RSPO2: variants seen among roughly 807,000 people sequenced by gnomAD.
The protein encoded by RSPO2 is R-spondin 2.
RSPO2 carries 14 observed loss-of-function variants against 30.9 expected under a neutral mutation model. That is an observed-to-expected ratio of 0.45 (90% CI 0.30 to 0.71). The LOEUF (loss-of-function observed/expected upper bound fraction) is 0.71. RSPO2 is among the 30% of genes least tolerant of loss of function. The pLI is 0.08. For missense variants in RSPO2, 264 were observed against 301.9 expected, an observed-to-expected ratio of 0.87 and a Z score of 0.93; for synonymous variants, 107 against 96.4, an observed-to-expected ratio of 1.11 and a Z score of -0.64.
intron 5 of RSPO2, among the ~76,000 whole-genome samples, chr8:107,925,610 TG>T (rs1812340449): frequency 6.6e-6 from 1 of 151,890 alleles, no homozygotes; most frequent in Non-Finnish European, 1.5e-5. Context: ...TGTGTCCATG[TG>T]TTCTCATTGT....
At chr8:107,959,851 C>T (rs1248103664) in intron 4 of RSPO2, among the ~76,000 whole-genome samples, 1 of 152,202 alleles carries the variant, frequency 6.6e-6, no homozygotes, top group Non-Finnish European at 1.5e-5. Flanking sequence ...TACACAATTA[C>T]AGACTACTTC....
At chr8:107,915,489 T>C (rs1029840675) in intron 5 of RSPO2, among the ~76,000 whole-genome samples, 10 of 152,098 alleles carry the variant, frequency 6.6e-5, no homozygotes, top group Non-Finnish European at 1.3e-4. Flanking sequence ...AACAGGAAGA[T>C]TTCAGGGAGA....
chr8:108,059,831 ATCACAC>A (rs1812390577), intron 2 of RSPO2, among the ~76,000 whole-genome samples: 1 of 126,364 alleles, frequency 7.9e-6, no homozygotes, highest in Admixed American at 1.0e-4. Context: ...GAAGGGGAAC[ATCACAC>A]TCTGGGGACT....
Position 107,978,322 on chromosome 8 carries a change from G to A in RSPO2, c.283+10734C>T, listed in dbSNP as rs912449914. On this transcript the variant is annotated intron_variant, in intron 3 of 5. Coordinates refer to ENST00000276659, the MANE Select transcript of RSPO2 (RefSeq NM_178565.5). ...GGCATCTGTAATCCCAGCTACTTGG[G>A]AGGCCGAGGCAGGAGAATTGATTGA... 9.9e-5 allele frequency among the ~76,000 whole-genome samples: 15 copies of A among 152,246 alleles called. No individual in the cohort carries two copies. In the South Asian group the frequency reaches 3.1e-3, roughly 32 times the overall value.
chr8:107,962,364 CAATTTT>C (rs1813655874), intron 3 of RSPO2, among the ~76,000 whole-genome samples: 1 of 152,124 alleles, frequency 6.6e-6, no homozygotes, highest in Non-Finnish European at 1.5e-5. Flanking sequence ...CTTTGCCTTT[CAATTTT>C]GAGTCTAAAC....
At position 107,921,973 on chromosome 8, in the gene RSPO2, G is replaced by T. The variant is rs1319590707; in HGVS notation, c.617-20783C>A. Among the ~76,000 whole-genome samples, 6 of 152,268 alleles carry T rather than the reference G, an allele frequency of 3.9e-5. No homozygotes were observed. The East Asian group carries it at 1.2e-3, about 29-fold the overall frequency. On this transcript the variant is annotated intron_variant, in intron 5 of 5. Transcript: ENST00000276659. ...CCTGAAAATAATAAGAGCCATCTAT[G>T]ACAAATCCACAGCCAATGTCATACT...
Position 107,989,220 on chromosome 8 carries a change from C to A in RSPO2, c.119G>T (p.Cys40Phe). Residue 40 changes from cysteine to phenylalanine, a missense_variant, in exon 3 of 6, where the codon TGC (cysteine) becomes TTC (phenylalanine). Physicochemically the swap from Cys to Phe is radical, Grantham distance 205 (BLOSUM62 -2). Coordinates refer to ENST00000276659, the MANE Select transcript of RSPO2 (RefSeq NM_178565.5). Reference protein sequence around the residue: ...KRASYVSNPICKGCLSCSKDN... With the variant: ...KRASYVSNPIFKGCLSCSKDN... ...CTTTGAACAAGACAAACAACCCTTG[C>A]AAATGGGATTTGATACATAACTAGC... 1 of 1,577,434 alleles carries A rather than the reference C, an allele frequency of 6.3e-7. No homozygotes were observed. The highest frequency in any genetic ancestry group is 8.6e-7 in the Non-Finnish European group (1 of 1,167,890).
chr8:108,041,023 A>G (rs2130655927), intron 2 of RSPO2, among the ~76,000 whole-genome samples: 1 of 152,244 alleles, frequency 6.6e-6, no homozygotes, highest in Middle Eastern at 3.4e-3. Flanking sequence ...TGTACAGAAA[A>G]GAAATCAATT....
At chr8:107,917,980 C>T (rs921808722) in intron 5 of RSPO2, among the ~76,000 whole-genome samples, 5 of 152,086 alleles carry the variant, frequency 3.3e-5, no homozygotes, top group East Asian at 3.9e-4. Flanking sequence ...ATTGAATGCA[C>T]GTTTCTAATA....
At chr8:107,968,766 G>A (rs1345966306) in intron 3 of RSPO2, among the ~76,000 whole-genome samples, 2 of 151,956 alleles carry the variant, frequency 1.3e-5, no homozygotes, top group Non-Finnish European at 2.9e-5. Flanking sequence ...CAAAAGGATT[G>A]CAGCCCAAGA....
At chr8:108,009,871 A>G (rs1159844056) in intron 2 of RSPO2, among the ~76,000 whole-genome samples, 1 of 152,004 alleles carries the variant, frequency 6.6e-6, no homozygotes, top group Non-Finnish European at 1.5e-5. Context: ...ATGACATGGC[A>G]AAACTCCATC....
intron 2 of RSPO2, among the ~76,000 whole-genome samples, chr8:108,063,866 A>G (rs1409574320): frequency 6.6e-6 from 1 of 152,228 alleles, no homozygotes; most frequent in Non-Finnish European, 1.5e-5. Flanking sequence ...GCCCTCAGAA[A>G]TAATGCCACA....
At chr8:107,975,922 A>C (rs1423064026) in intron 3 of RSPO2, among the ~76,000 whole-genome samples, 3 of 152,332 alleles carry the variant, frequency 2.0e-5, no homozygotes, top group African/African-American at 7.2e-5. Flanking sequence ...CTGTCTTCTA[A>C]TAAGTGGATA....
chr8:107,914,316 C>G (rs1811911196), intron 5 of RSPO2, among the ~76,000 whole-genome samples: 1 of 152,044 alleles, frequency 6.6e-6, no homozygotes, highest in African/African-American at 2.4e-5. Context: ...TGCTCAAATA[C>G]TGCATTCTGT....
chr8:107,953,877 C>T (rs1281001185), intron 5 of RSPO2, among the ~76,000 whole-genome samples: 2 of 152,206 alleles, frequency 1.3e-5, no homozygotes, highest in African/African-American at 4.8e-5. Flanking sequence ...TTCCTGATCA[C>T]TCTACATAAC....
chr8:108,006,038 A>C (rs1021798567), intron 2 of RSPO2, among the ~76,000 whole-genome samples: 2 of 152,184 alleles, frequency 1.3e-5, no homozygotes, highest in African/African-American at 4.8e-5. Flanking sequence ...CCTTTTTAGA[A>C]TAGCATACAG....
At chr8:108,030,414 A>G (rs1368017493) in intron 2 of RSPO2, among the ~76,000 whole-genome samples, 1 of 152,204 alleles carries the variant, frequency 6.6e-6, no homozygotes, top group Non-Finnish European at 1.5e-5. Context: ...TCTGTAATGT[A>G]TAAGCAGTGG....
chr8:107,969,932 T>A (rs1813938229), intron 3 of RSPO2, among the ~76,000 whole-genome samples: 1 of 152,114 alleles, frequency 6.6e-6, no homozygotes, highest in South Asian at 2.1e-4. Context: ...CTTAGTTGGA[T>A]TTTTCCAAAT....
At chr8:108,034,669 G>T (rs887019420) in intron 2 of RSPO2, among the ~76,000 whole-genome samples, 1 of 152,136 alleles carries the variant, frequency 6.6e-6, no homozygotes, top group Non-Finnish European at 1.5e-5. Flanking sequence ...TTAAGACTCA[G>T]AATAACAATT....
Sources: allele counts gnomAD v4.1 joint callset (sites outside exome capture counted in the v4.1 genomes callset), GRCh38; gene constraint gnomAD v4.1.1; transcripts MANE v1.5; gene names NCBI Gene and HGNC (gene_info 2026-07-23, HGNC 2026-07-21).